NIPBL: variants seen among roughly 807,000 people sequenced by gnomAD.
NIPBL encodes NIPBL cohesin loading factor.
In NIPBL, 19 loss-of-function variants were observed where a neutral mutation model predicts 321.8. The observed-to-expected ratio is 0.06, with a 90% confidence interval of 0.04 to 0.09. NIPBL has a LOEUF of 0.09. Ranked by LOEUF, NIPBL falls within the 10% of genes least tolerant of loss-of-function variation. The pLI is 1.00. For synonymous variants in NIPBL, 1,106 were observed against 1,114.1 expected, an observed-to-expected ratio of 0.99 and a Z score of 0.14; for missense variants, 2,210 against 3,327.0, an observed-to-expected ratio of 0.66 and a Z score of 8.26.
intron 21 of NIPBL, among the ~76,000 whole-genome samples, chr5:37,013,335 C>T (rs892398510): frequency 2.6e-4 from 39 of 151,414 alleles, no homozygotes; most frequent in Admixed American, 9.2e-4. Context: ...GGCGGCTGGC[C>T]GGGCGGGGGG....
intron 2 of NIPBL, chr5:36,954,879 T>C (rs1740767779): frequency 6.5e-6 from 1 of 153,148 alleles, no homozygotes; most frequent in Non-Finnish European, 1.5e-5. Context: ...GAATTTAAGC[T>C]ACTATAAAAC....
At chr5:36,966,167 C>T (rs990607056) in intron 6 of NIPBL, among the ~76,000 whole-genome samples, 1 of 152,066 alleles carries the variant, frequency 6.6e-6, no homozygotes, top group Admixed American at 6.6e-5. Context: ...ATGTTCAAAT[C>T]TAGCTTTTCA....
At chr5:36,947,533 T>C (rs531565625) in intron 1 of NIPBL, among the ~76,000 whole-genome samples, 1 of 152,180 alleles carries the variant, frequency 6.6e-6, no homozygotes, top group South Asian at 2.1e-4. Flanking sequence ...GGCCATATGC[T>C]CTGTCTAAAG....
intron 1 of NIPBL, among the ~76,000 whole-genome samples, chr5:36,930,554 C>T (rs1171507252): frequency 6.6e-6 from 1 of 151,796 alleles, no homozygotes; most frequent in Non-Finnish European, 1.5e-5. Flanking sequence ...AAGTTTTTTT[C>T]TTAAAATGTG....
chr5:37,056,612 TTA>T (rs1443457636), intron 42 of NIPBL, among the ~76,000 whole-genome samples: 1 of 152,180 alleles, frequency 6.6e-6, no homozygotes, highest in African/African-American at 2.4e-5. Flanking sequence ...TGACAAATGT[TTA>T]TGAGTACATG....
chr5:36,892,714 C>T (rs1746434694), intron 1 of NIPBL, among the ~76,000 whole-genome samples: 1 of 151,832 alleles, frequency 6.6e-6, no homozygotes, highest in Non-Finnish European at 1.5e-5. Flanking sequence ...CACATGTTCT[C>T]ACTCATAGGT....
chr5:37,023,802 A>G lies in NIPBL; in HGVS notation c.5575-783A>G, dbSNP rs558808679. Among the ~76,000 whole-genome samples, 12 of 148,274 alleles carry G rather than the reference A, an allele frequency of 8.1e-5. No homozygotes were observed. In the South Asian group the frequency reaches 2.6e-3, roughly 32 times the overall value. On this transcript the variant is annotated intron_variant, in intron 29 of 46. Transcript: ENST00000282516. ...CATCCCATATGACATTGACGGATTA[A>G]AAAGGCCTGATCGGTTTTGTTATCT...
intron 43 of NIPBL, among the ~76,000 whole-genome samples, chr5:37,057,952 A>G (rs1351524569): frequency 1.3e-5 from 2 of 152,220 alleles, no homozygotes; most frequent in African/African-American, 4.8e-5. Flanking sequence ...TCATGTATCT[A>G]ATGATCCAAG....
At chr5:36,879,290 C>CT (rs1423583628) in intron 1 of NIPBL, among the ~76,000 whole-genome samples, 3 of 152,030 alleles carry the variant, frequency 2.0e-5, no homozygotes, top group East Asian at 3.9e-4. Flanking sequence ...GTGATTGATT[C>CT]TTTTTTTTCC....
intron 14 of NIPBL, among the ~76,000 whole-genome samples, 171 bp from the exon 15 acceptor site, chr5:37,002,491 C>G (rs1271732255): frequency 3.3e-5 from 5 of 152,154 alleles, no homozygotes; most frequent in African/African-American, 1.2e-4. Flanking sequence ...AATCTGACTT[C>G]AATTTCTGTC....
At position 37,060,775 on chromosome 5, in the gene NIPBL, AT is replaced by A. The variant is rs1754580448; in HGVS notation, c.7686-68del. 1.9e-5 allele frequency: 25 copies of A among 1,333,680 alleles called. No homozygotes were observed. The South Asian group carries it at 3.2e-4, about 17-fold the overall frequency. 82.6% of individuals were successfully genotyped at this position (1,333,680 alleles called of 1,614,324 possible). A position where few individuals can be genotyped will look rare whatever the true frequency, so the allele number is the denominator to read the frequency against. ...TTCATTAATATGGTGCTTCCTACCT[AT>A]AATTGGATTTCTCCAAATACGTTGT... On this transcript the variant is annotated intron_variant, in intron 44 of 46. Transcript: ENST00000282516.
intron 21 of NIPBL, among the ~76,000 whole-genome samples, chr5:37,011,715 T>C (rs1171509284): frequency 6.6e-6 from 1 of 152,214 alleles, no homozygotes; most frequent in Non-Finnish European, 1.5e-5. Flanking sequence ...TAATTATTTT[T>C]ATGTAAATTT....
At chr5:36,885,299 G>A (rs772411797) in intron 1 of NIPBL, 2 of 499,282 alleles carry the variant, frequency 4.0e-6, no homozygotes, top group Non-Finnish European at 8.0e-6. Flanking sequence ...GGTCAGCAGT[G>A]CAGCCAGCGT....
At chr5:37,060,470 G>A (rs530336954) in intron 44 of NIPBL, among the ~76,000 whole-genome samples, 12 of 152,274 alleles carry the variant, frequency 7.9e-5, no homozygotes, top group South Asian at 2.1e-4. Context: ...GGCCTTATAA[G>A]GAATATCTTG....
At position 36,952,053 on chromosome 5, in the gene NIPBL, TGCGCGCGC is replaced by T. The variant is rs1554010277; in HGVS notation, c.-79-1552_-79-1545del. ...GTGTGTGTGTGTGTGTGTGTGTGTG[TGCGCGCGC>T]GCGCGCGCGCGCATGTGTGTGTGTA... On this transcript the variant is annotated intron_variant, in intron 1 of 46. Transcript: ENST00000282516. Among the ~76,000 whole-genome samples, 575 of 112,206 alleles carry T rather than the reference TGCGCGCGC, an allele frequency of 5.1e-3. 2 individuals carry two copies. The highest frequency in any genetic ancestry group is 0.011 in the Middle Eastern group (2 of 174). 73.6% of individuals were successfully genotyped at this position (112,206 alleles called of 152,430 possible). A position where few individuals can be genotyped will look rare whatever the true frequency, so the allele number is the denominator to read the frequency against.
chr5:36,963,448 T>C (rs1482493330), intron 6 of NIPBL, among the ~76,000 whole-genome samples: 1 of 151,996 alleles, frequency 6.6e-6, no homozygotes, highest in Non-Finnish European at 1.5e-5. Context: ...TATGAAATAT[T>C]AGGTTGAGCT....
intron 6 of NIPBL, among the ~76,000 whole-genome samples, chr5:36,965,331 T>C (rs293754): frequency 0.21 from 32,642 of 152,024 alleles, 4,799 homozygotes; most frequent in African/African-American, 0.41. Context: ...CAATGGAATA[T>C]TACTCAGCCA....
intron 1 of NIPBL, among the ~76,000 whole-genome samples, chr5:36,923,827 TATA>T (rs1749141308): frequency 6.6e-6 from 1 of 152,196 alleles, no homozygotes; most frequent in South Asian, 2.1e-4. Flanking sequence ...AAAGTTCATA[TATA>T]ATATGATATA....
At chr5:36,884,823 G>C (rs536634293) in intron 1 of NIPBL, among the ~76,000 whole-genome samples, 1 of 152,108 alleles carries the variant, frequency 6.6e-6, no homozygotes, top group African/African-American at 2.4e-5. Context: ...GTCCTTGAGG[G>C]CTTCTTGCTT....
Sources: gnomAD v4.1 joint callset for allele counts (sites outside exome capture counted in the v4.1 genomes callset) on GRCh38, gnomAD v4.1.1 for gene constraint, MANE v1.5 for transcripts, NCBI Gene and HGNC (gene_info 2026-07-23, HGNC 2026-07-21) for gene names.